The following PTPN6 variants were observed in gnomAD, a reference collection of about 807,000 sequenced individuals.
PTPN6 encodes tyrosine-protein phosphatase non-receptor type 6.
In PTPN6, 18 loss-of-function variants were observed where a neutral mutation model predicts 81.5. The ratio of observed to expected loss-of-function variants is 0.22; its 90% CI spans 0.15 to 0.33. The LOEUF (loss-of-function observed/expected upper bound fraction) is 0.33, where lower values mean the gene tolerates loss of function less well. Ranked by LOEUF, PTPN6 falls within the 10% of genes least tolerant of loss-of-function variation. PTPN6 has a pLI of 1.00. For missense variants in PTPN6, 500 were observed against 794.2 expected (o/e 0.63, Z 4.45); for synonymous variants, 301 against 310.9 (o/e 0.97, Z 0.33).
At position 6,951,713 on chromosome 12, in the gene PTPN6, A is replaced by C. The variant is rs782452891; in HGVS notation, c.113A>C (p.Asp38Ala). 8 of 1,612,756 alleles carry C rather than the reference A, an allele frequency of 5.0e-6. No homozygotes were observed. The change falls in exon 2 of 16, where the codon GAC becomes GCC. Residue 38 changes from aspartate (D) to alanine (A), a missense_variant. Asp to Ala is a moderately radical substitution (Grantham distance 126). Transcript: ENST00000318974. This position sits in a 1 kb window ranked among gnomAD's most constrained non-coding sequence, Gnocchi z 7.2. ...LARPSRKNQG[D>A]FSLSVRVGDQ... ...CGGCCCAGTCGCAAGAACCAGGGTGACTTCTCGCTCTCCGTCAGGTAGGTG... is the reference window on the plus strand; with the variant it reads ...CGGCCCAGTCGCAAGAACCAGGGTGCCTTCTCGCTCTCCGTCAGGTAGGTG...
At position 6,956,410 on chromosome 12, in the gene PTPN6, T is replaced by C. The variant is rs782292817; in HGVS notation, c.925-9T>C. 1.2e-6 allele frequency: 2 copies of C among 1,614,084 alleles called. No individual in the cohort carries two copies. The highest frequency in any genetic ancestry group is 1.7e-5 in the Admixed American group (1 of 60,030). On this transcript the variant is annotated splice_polypyrimidine_tract_variant and intron_variant, in intron 8 of 15. Coordinates refer to ENST00000318974, the MANE Select transcript of PTPN6 (RefSeq NM_002831.6). This position sits in a 1 kb window ranked among gnomAD's most constrained non-coding sequence, Gnocchi z 4.1. ...GTCTTGGGGTGCGTCTCTCCACGCT[T>C]GCGTCCAGAACCAGCTGCTAGGCCC... is the stretch of plus-strand genomic sequence containing the variant.
At position 6,951,385 on chromosome 12, in the gene PTPN6, A is replaced by G; in HGVS notation, c.-128A>G. Reference sequence around the variant, plus strand: ...GAGTGGCAGCCCCAGAACTGGGACCACCGGGGGTGGTGAGGCGGCCCGGCA... The same window carrying G: ...GAGTGGCAGCCCCAGAACTGGGACCGCCGGGGGTGGTGAGGCGGCCCGGCA... On this transcript the variant is annotated 5_prime_UTR_variant, in exon 1 of 16. Coordinates refer to ENST00000318974, the MANE Select transcript of PTPN6 (RefSeq NM_002831.6). The surrounding 1 kb of genome is among the most constrained non-coding windows in gnomAD (Gnocchi z 7.2). 1.3e-6 allele frequency: 2 copies of G among 1,546,602 alleles called. No individual in the cohort carries two copies. Among genetic ancestry groups the G allele is most frequent in the Non-Finnish European group, 1.7e-6 (2 of 1,146,468 alleles).
upstream of PTPN6, among the ~76,000 whole-genome samples, chr12:6,947,679 A>C (rs1000760899): frequency 2.6e-5 from 4 of 151,794 alleles, no homozygotes; most frequent in Admixed American, 2.0e-4. Context: ...AAAAAAAAAA[A>C]AAAAAAAAGA....
upstream of PTPN6, among the ~76,000 whole-genome samples, chr12:6,947,067 GCAGT>G (rs1198968796): frequency 2.6e-5 from 4 of 152,126 alleles, no homozygotes; most frequent in Non-Finnish European, 5.9e-5. Context: ...CTCAAACATA[GCAGT>G]CAGAGGCCAC....
At chr12:6,949,662 T>G (rs782455469), upstream of PTPN6, among the ~76,000 whole-genome samples, 1 of 152,226 alleles carries the variant, frequency 6.6e-6, no homozygotes, top group Admixed American at 6.5e-5. Flanking sequence ...GCTTTTCACA[T>G]CAGTATTTGG....
In PTPN6 at chr12:6,959,968, T is replaced by C; in HGVS notation, c.1403T>C (p.Met468Thr). The change falls in exon 12 of 16, where the codon ATG becomes ACG. Residue 468 changes from methionine to threonine, a missense_variant. Around this residue, in one of 6 missense-constraint regions of PTPN6, gnomAD observed 226 missense variants for 364.4 expected, o/e 0.62. Coordinates refer to ENST00000318974, the MANE Select transcript of PTPN6 (RefSeq NM_002831.6). The surrounding 1 kb of genome is among the most constrained non-coding windows in gnomAD (Gnocchi z 6.6). Reference protein sequence around the residue: ...GRTGTIIVIDMLMENISTKGL... With the variant: ...GRTGTIIVIDTLMENISTKGL... ...ACAGGCACCATCATTGTCATCGACA[T>C]GCTCATGGAGAACATCTCCACCAAG... 1 of 1,606,312 alleles carries C rather than the reference T, an allele frequency of 6.2e-7. No homozygotes were observed. Among genetic ancestry groups the C allele is most frequent in the South Asian group, 1.1e-5 (1 of 90,824 alleles).
rs201163306 is a variant in PTPN6, at chr12:6,960,013, T to C, written c.1429+19T>C. ...ACCAAGGGTGAGGGGCACCTGGGGG[T>C]TTGGGGGTGGGGGGTGAGCAGCCCC... is the stretch of plus-strand genomic sequence containing the variant. On this transcript the variant is annotated intron_variant, in intron 12 of 15. Coordinates refer to ENST00000318974, the MANE Select transcript of PTPN6 (RefSeq NM_002831.6). The surrounding 1 kb of genome is among the most constrained non-coding windows in gnomAD (Gnocchi z 6.1). 890 of 1,610,792 alleles carry C rather than the reference T, an allele frequency of 5.5e-4. 5 individuals carry two copies. In the African/African-American group the frequency reaches 9.6e-3, roughly 17 times the overall value.
In PTPN6 at chr12:6,955,013, G is replaced by C; in HGVS notation, c.516+19G>C. ...GTGCGAGGTAAGGCAGCCAGGCGGC[G>C]GGGGAGCCTCTGCTGAGGCTCCTGT... On this transcript the variant is annotated intron_variant, in intron 4 of 15. Transcript: ENST00000318974. This position sits in a 1 kb window ranked among gnomAD's most constrained non-coding sequence, Gnocchi z 7.2. 6.2e-7 allele frequency: 1 copy of C among 1,613,834 alleles called. No homozygotes were observed. The highest frequency in any genetic ancestry group is 1.1e-5 in the South Asian group (1 of 91,070).
At position 6,960,296 on chromosome 12, in the gene PTPN6, C is replaced by T. The variant is rs1447499728; in HGVS notation, c.1582-48C>T. ...GGGCTGCAGTGCAGGATGGGTGCCA[C>T]CTGGCCCTGCTGGGACCACCACCTT... is the stretch of plus-strand genomic sequence containing the variant. On this transcript the variant is annotated intron_variant, in intron 13 of 15. Coordinates refer to ENST00000318974, the MANE Select transcript of PTPN6 (RefSeq NM_002831.6). This position sits in a 1 kb window ranked among gnomAD's most constrained non-coding sequence, Gnocchi z 6.1. 2 of 1,610,006 alleles carry T rather than the reference C, an allele frequency of 1.2e-6. No homozygotes were observed. The highest frequency in any genetic ancestry group is 1.7e-6 in the Non-Finnish European group (2 of 1,179,144).
chr12:6,956,487 G>A lies in PTPN6; in HGVS notation c.993G>A (p.Thr331=), dbSNP rs782503316. ...CCAGCCAGGGTTGTCTGGAGGCCAC[G>A]GTCAATGACTTCTGGCAGATGGCGT... ...YIASQGCLEA[T]VNDFWQMAWQ... The change falls in exon 9 of 16, where the codon ACG becomes ACA. Residue 331 remains threonine, a synonymous_variant. Coordinates refer to ENST00000318974, the MANE Select transcript of PTPN6 (RefSeq NM_002831.6). The surrounding 1 kb of genome is among the most constrained non-coding windows in gnomAD (Gnocchi z 4.1). 3.7e-6 allele frequency: 6 copies of A among 1,614,092 alleles called. No homozygotes were observed. Among genetic ancestry groups the A allele is most frequent in the East Asian group, 2.2e-5 (1 of 44,882 alleles).
chr12:6,948,599 G>T (rs1591680952), upstream of PTPN6, among the ~76,000 whole-genome samples: 2 of 150,876 alleles, frequency 1.3e-5, no homozygotes, highest in African/African-American at 4.9e-5. Flanking sequence ...GTCGAAAGAA[G>T]AAAGGAAAGA....
chr12:6,958,422 G>A (rs782472050), intron 11 of PTPN6, among the ~76,000 whole-genome samples: 3 of 152,248 alleles, frequency 2.0e-5, no homozygotes, highest in African/African-American at 4.8e-5. Flanking sequence ...CCTGTGTCCC[G>A]GCTGCTCCGC....
Position 6,951,765 on chromosome 12 carries a change from G to T in PTPN6, c.131+34G>T. 1 of 1,607,418 alleles carries T rather than the reference G, an allele frequency of 6.2e-7. No homozygotes were observed. Among genetic ancestry groups the T allele is most frequent in the Non-Finnish European group, 8.5e-7 (1 of 1,179,974 alleles). On this transcript the variant is annotated intron_variant, in intron 2 of 15. Transcript: ENST00000318974. This position sits in a 1 kb window ranked among gnomAD's most constrained non-coding sequence, Gnocchi z 7.2. ...GCCCCCCGCAACCCCGGGCATTTTGGCCACTCTCTTGTGCCATCCAGGCCC... is the reference window on the plus strand; with the variant it reads ...GCCCCCCGCAACCCCGGGCATTTTGTCCACTCTCTTGTGCCATCCAGGCCC...
rs1186066890 is a variant in PTPN6 at position 6,960,785 on chromosome 12, C to A, written c.1674-21C>A. 3.9e-6 allele frequency: 6 copies of A among 1,553,686 alleles called. No individual in the cohort carries two copies. The Admixed American group carries it at 9.8e-5, about 25-fold the overall frequency. ...GACCTGCACCAACTGCCTGTACTTG[C>A]CCCCCTGCACCCGGCTGCAGACACA... On this transcript the variant is annotated intron_variant, in intron 14 of 15. Coordinates refer to ENST00000318974, the MANE Select transcript of PTPN6 (RefSeq NM_002831.6). This position sits in a 1 kb window ranked among gnomAD's most constrained non-coding sequence, Gnocchi z 6.1.
upstream of PTPN6, among the ~76,000 whole-genome samples, chr12:6,950,759 T>C (rs1377193357): frequency 2.0e-5 from 3 of 152,188 alleles, no homozygotes; most frequent in South Asian, 2.1e-4. Flanking sequence ...GGCTGGTGTA[T>C]AGGAGTTCAA....
rs1158754681 is a variant in PTPN6 at position 6,952,453 on chromosome 12, A to G, written c.326+276A>G. The G allele has an allele frequency of 1.1e-5, 6 of 536,106 alleles. No homozygotes were observed. The allele number at this position is 536,106 out of a possible 1,614,324, so 33.2% of individuals were successfully genotyped here. ...CCCTGGCCGCTGCAACCCAGGTCCC[A>G]CTGGAGACAGGGAGGCCACTGCTGG... On this transcript the variant is annotated intron_variant, in intron 3 of 15. Coordinates refer to ENST00000318974, the MANE Select transcript of PTPN6 (RefSeq NM_002831.6). The surrounding 1 kb of genome is among the most constrained non-coding windows in gnomAD (Gnocchi z 8.1).
At position 6,960,906 on chromosome 12, in the gene PTPN6, C is replaced by T. The variant is rs782532946; in HGVS notation, c.1774C>T (p.Leu592Phe). The T allele has an allele frequency of 2.5e-6, 4 of 1,571,060 alleles. No individual in the cohort carries two copies. The highest frequency in any genetic ancestry group is 3.8e-5 in the Admixed American group (2 of 53,306). ...SADKEKSKGSLKRK is the reference protein window; with the variant it reads ...SADKEKSKGSFKRK ...AGACAAGGAGAAGAGCAAGGGTTCC[C>T]TCAAGAGGAAGTGAGCGGTGCTGTC... The change falls in exon 15 of 16, where the codon CTC becomes TTC. Residue 592 changes from leucine to phenylalanine, a missense_variant. Physicochemically the swap from Leu to Phe is conservative, Grantham distance 22. Coordinates refer to ENST00000318974, the MANE Select transcript of PTPN6 (RefSeq NM_002831.6). This position sits in a 1 kb window ranked among gnomAD's most constrained non-coding sequence, Gnocchi z 6.1.
upstream of PTPN6, among the ~76,000 whole-genome samples, chr12:6,948,764 C>A (rs782288443): frequency 4.0e-5 from 6 of 151,760 alleles, no homozygotes; most frequent in South Asian, 1.2e-3. Flanking sequence ...CATGGTGAAA[C>A]CCTGTCTCAA....
In PTPN6 at chr12:6,951,726, C is replaced by T. The variant is rs114945777; in HGVS notation, c.126C>T (p.Ser42=). The T allele has an allele frequency of 4.0e-3, 6,530 of 1,612,354 alleles. 227 individuals carry two copies. The African/African-American group carries it at 0.075, about 18-fold the overall frequency. ...AGAACCAGGGTGACTTCTCGCTCTCCGTCAGGTAGGTGGGCCCCCCGCAAC... is the reference window on the plus strand; with the variant it reads ...AGAACCAGGGTGACTTCTCGCTCTCTGTCAGGTAGGTGGGCCCCCCGCAAC... ...SRKNQGDFSL[S]VRVGDQVTHI... Residue 42 remains serine (S), a synonymous_variant, in exon 2 of 16, where the codon TCC becomes TCT. Transcript: ENST00000318974. The surrounding 1 kb of genome is among the most constrained non-coding windows in gnomAD (Gnocchi z 7.2).
Sources: allele counts gnomAD v4.1 joint callset (sites outside exome capture counted in the v4.1 genomes callset), GRCh38; gene constraint gnomAD v4.1.1; regional missense constraint gnomAD v4.1.1; non-coding constraint Gnocchi (gnomAD v3.1); transcripts MANE v1.5; gene names NCBI Gene and HGNC (gene_info 2026-07-23, HGNC 2026-07-21).